The following MEF2B variants were observed in gnomAD, a reference collection of about 807,000 sequenced individuals.
The protein encoded by MEF2B is myocyte-specific enhancer factor 2B.
Under a neutral mutation model 32.2 loss-of-function variants are expected in MEF2B, and 15 were observed. The ratio of observed to expected loss-of-function variants is 0.47; its 90% CI spans 0.31 to 0.72. MEF2B has a LOEUF of 0.72. Among genes scored for constraint, MEF2B ranks in the 30% least tolerant of loss-of-function variants. The pLI, the probability that MEF2B is intolerant of heterozygous loss-of-function variation, is 0.05. For synonymous variants in MEF2B, 205 were observed against 225.6 expected (o/e 0.91, Z 0.82); for missense variants, 441 against 511.5 (o/e 0.86, Z 1.33).
chr19:19,146,958 A>G (rs1355687238), intron 5 of MEF2B, 78 bp downstream of exon 5: 19 of 1,567,072 alleles, frequency 1.2e-5, no homozygotes, highest in Non-Finnish European at 1.4e-5. Context: ...TGATGCACGC[A>G]GCCTGGCAAT....
rs191779860 is a variant in MEF2B at position 19,162,657 on chromosome 19, T to C, written c.-30+7548A>G. Among the ~76,000 whole-genome samples, 22 of 152,190 alleles carry C rather than the reference T, an allele frequency of 1.4e-4. No homozygotes were observed. The East Asian group carries it at 3.9e-3, about 27-fold the overall frequency. On this transcript the variant is annotated intron_variant, in intron 1 of 8. Coordinates refer to ENST00000424583, the MANE Select transcript of MEF2B (RefSeq NM_001145785.2). ...TCAGACCCTCCTTCCCACCTCTCCC[T>C]GGGCCTGCTCCTGGGAGGGACAGCT...
intron 1 of MEF2B, among the ~76,000 whole-genome samples, chr19:19,169,670 G>T (rs2060237253): frequency 6.6e-6 from 1 of 152,162 alleles, no homozygotes; most frequent in Admixed American, 6.5e-5. Flanking sequence ...ACGGGGATGT[G>T]ACTCTTGTTC....
At chr19:19,159,575 G>C (rs1394318473) in intron 1 of MEF2B, among the ~76,000 whole-genome samples, 1 of 152,164 alleles carries the variant, frequency 6.6e-6, no homozygotes, top group Non-Finnish European at 1.5e-5. Context: ...TGACCAAAGG[G>C]TGCAGGATGT....
intron 1 of MEF2B, among the ~76,000 whole-genome samples, chr19:19,153,862 C>T (rs1385634044): frequency 6.6e-6 from 1 of 152,254 alleles, no homozygotes; most frequent in African/African-American, 2.4e-5. Context: ...GTAATCCTCC[C>T]ACCTCAGCCT....
Position 19,145,801 on chromosome 19 carries a change from C to A in MEF2B, c.1103G>T (p.Arg368Leu). 1 of 1,540,024 alleles carries A rather than the reference C, an allele frequency of 6.5e-7. No homozygotes were observed. Among genetic ancestry groups the A allele is most frequent in the Non-Finnish European group, 8.8e-7 (1 of 1,141,104 alleles). The change falls in exon 9 of 9, where the codon CGG (arginine) becomes CTG (leucine). Residue 368 changes from arginine to leucine, a missense_variant. Physicochemically the swap from Arg to Leu is moderately radical, Grantham distance 102 (BLOSUM62 -2). Coordinates refer to ENST00000424583, the MANE Select transcript of MEF2B (RefSeq NM_001145785.2). This position sits in a 1 kb window ranked among gnomAD's most constrained non-coding sequence, Gnocchi z 4.6. The part of the protein sequence containing the change: ...RRLPLADGWP[R>L] ...CTGGTGCCACCGGGTGATCTCCTACCGGGGCCAGCCGTCGGCCAAGGGCAG... is the reference window on the plus strand; with the variant it reads ...CTGGTGCCACCGGGTGATCTCCTACAGGGGCCAGCCGTCGGCCAAGGGCAG...
chr19:19,157,801 T>C (rs1024755537), intron 1 of MEF2B, among the ~76,000 whole-genome samples: 16 of 152,154 alleles, frequency 1.1e-4, no homozygotes, highest in African/African-American at 3.6e-4. Context: ...TGAGCCAAGA[T>C]TGTGCCATTG....
Position 19,161,911 on chromosome 19 carries a change from G to A in MEF2B, c.-30+8294C>T, listed in dbSNP as rs2060167066. ...CAACCCCTGCCTCCTGGGTTCAAGC[G>A]ATTCTCCTGCCTCAGCCTCCCCAGT... On this transcript the variant is annotated intron_variant, in intron 1 of 8. Coordinates refer to ENST00000424583, the MANE Select transcript of MEF2B (RefSeq NM_001145785.2). Among the ~76,000 whole-genome samples, 8 of 151,288 alleles carry A rather than the reference G, an allele frequency of 5.3e-5. No homozygotes were observed. The South Asian group carries it at 1.3e-3, about 24-fold the overall frequency.
In MEF2B at chr19:19,162,267, C is replaced by T. The variant is rs931087515; in HGVS notation, c.-30+7938G>A. On this transcript the variant is annotated intron_variant, in intron 1 of 8. Coordinates refer to ENST00000424583, the MANE Select transcript of MEF2B (RefSeq NM_001145785.2). ...CCCAGCAGCTGGGGCTACAAGCGCA[C>T]ACCTAATTTTTAACCAGACTATGCC... 1.1e-4 allele frequency among the ~76,000 whole-genome samples: 16 copies of T among 152,252 alleles called. 1 individual carries two copies. The highest frequency in any genetic ancestry group is 9.8e-4 in the Admixed American group (15 of 15,288).
rs191047063 is a variant in MEF2B at position 19,156,691 on chromosome 19, G to A, written c.-29-5927C>T. 6.0e-3 allele frequency among the ~76,000 whole-genome samples: 911 copies of A among 152,080 alleles called. 12 individuals carry two copies. The highest frequency in any genetic ancestry group is 0.021 in the African/African-American group (860 of 41,496). On this transcript the variant is annotated intron_variant, in intron 1 of 8. Transcript: ENST00000424583. ...TTTTGAGATGGGGTCTTCCTCTGTCGCCCAGGCTGGAGTTCAGTGGTGCAA... is the reference window on the plus strand; with the variant it reads ...TTTTGAGATGGGGTCTTCCTCTGTCACCCAGGCTGGAGTTCAGTGGTGCAA...
intron 1 of MEF2B, among the ~76,000 whole-genome samples, chr19:19,162,770 C>CAA (rs1360440301): frequency 2.0e-5 from 3 of 152,190 alleles, no homozygotes; most frequent in African/African-American, 7.2e-5. Context: ...TTTGGCCATG[C>CAA]ACAGAGAGGC....
rs2060026521 is a variant in MEF2B, at chr19:19,146,392, G to T, written c.770-8C>A. On this transcript the variant is annotated splice_polypyrimidine_tract_variant and splice_region_variant and intron_variant, in intron 7 of 8. Transcript: ENST00000424583. The stretch of plus-strand genomic sequence containing the variant: ...GGTCTCCCAGGCCATATTCTGGTGG[G>T]CAGGAATTGGGGGCTGAGGCCTGGA... 1.8e-6 allele frequency: 2 copies of T among 1,087,338 alleles called. No individual in the cohort carries two copies. Among genetic ancestry groups the T allele is most frequent in the Non-Finnish European group, 2.5e-6 (2 of 797,820 alleles). The allele number at this position is 1,087,338 out of a possible 1,614,324, so 67.4% of individuals were successfully genotyped here. A position where few individuals can be genotyped will look rare whatever the true frequency, so the allele number is the denominator to read the frequency against.
chr19:19,160,194 T>A (rs529131036), intron 1 of MEF2B, among the ~76,000 whole-genome samples: 1 of 152,026 alleles, frequency 6.6e-6, no homozygotes, highest in African/African-American at 2.4e-5. Context: ...GGTCTCGAAC[T>A]CCTGACCTCA....
chr19:19,163,512 G>A (rs139994674), intron 1 of MEF2B, among the ~76,000 whole-genome samples: 14 of 152,196 alleles, frequency 9.2e-5, no homozygotes, highest in African/African-American at 3.4e-4. Flanking sequence ...TTTCTTTATT[G>A]CTTTCTTTGA....
At chr19:19,159,967 CTTT>C (rs940709586) in intron 1 of MEF2B, among the ~76,000 whole-genome samples, 1 of 132,216 alleles carries the variant, frequency 7.6e-6, no homozygotes, top group Non-Finnish European at 1.6e-5. Flanking sequence ...GTCTACTGAA[CTTT>C]TTTTTTTTTT....
intron 1 of MEF2B, among the ~76,000 whole-genome samples, chr19:19,166,829 C>T (rs981942205): frequency 5.3e-5 from 8 of 151,742 alleles, no homozygotes; most frequent in East Asian, 3.9e-4. Context: ...TTTGGAAGGC[C>T]GAGGTGGGCT....
chr19:19,165,317 C>T (rs2060199142), intron 1 of MEF2B, among the ~76,000 whole-genome samples: 2 of 152,116 alleles, frequency 1.3e-5, no homozygotes, highest in Admixed American at 1.3e-4. Context: ...GGGTACCACA[C>T]CTGTAATCCC....
intron 1 of MEF2B, among the ~76,000 whole-genome samples, chr19:19,155,355 C>T (rs2060113135): frequency 2.0e-5 from 3 of 152,220 alleles, no homozygotes. Flanking sequence ...GAAGTCCTCC[C>T]TGCCATTCTT....
At chr19:19,157,953 G>A (rs942989262) in intron 1 of MEF2B, among the ~76,000 whole-genome samples, 4 of 152,236 alleles carry the variant, frequency 2.6e-5, no homozygotes, top group Non-Finnish European at 5.9e-5. Flanking sequence ...CAAGGGGGAA[G>A]TCCCAGGGGC....
intron 1 of MEF2B, among the ~76,000 whole-genome samples, chr19:19,159,300 A>G (rs948893057): frequency 6.7e-6 from 1 of 149,308 alleles, no homozygotes; most frequent in Non-Finnish European, 1.5e-5. Flanking sequence ...GCCTGCCTGT[A>G]GTCCCAGCTA....
Sources: allele counts gnomAD v4.1 joint callset (sites outside exome capture counted in the v4.1 genomes callset), GRCh38; gene constraint gnomAD v4.1.1; non-coding constraint Gnocchi (gnomAD v3.1); transcripts MANE v1.5; gene names NCBI Gene and HGNC (gene_info 2026-07-23, HGNC 2026-07-21).